Variants in TP63 observed in about 807,000 individuals in gnomAD.
TP63 encodes tumor protein 63.
In TP63, 17 loss-of-function variants were observed where a neutral mutation model predicts 82.8. The ratio of observed to expected loss-of-function variants is 0.21; its 90% confidence interval spans 0.14 to 0.31. The LOEUF is 0.31. TP63 is among the 10% of genes least tolerant of loss of function. TP63 has a pLI of 1.00. For synonymous variants in TP63, 330 were observed against 321.7 expected (o/e 1.03, Z -0.28); for missense variants, 648 against 895.3 (o/e 0.72, Z 3.52).
intron 1 of TP63, among the ~76,000 whole-genome samples, chr3:189,644,717 A>G (rs1712246718): frequency 6.6e-6 from 1 of 152,026 alleles, no homozygotes; most frequent in South Asian, 2.1e-4. Flanking sequence ...AAGTCCATAT[A>G]TCATTCTTAT....
chr3:189,866,703 A>C lies in TP63; in HGVS notation c.788A>C (p.His263Pro), dbSNP rs1318766368. ...FNEGQIAPPS[H>P]LIRVEGNSHA... ...GCAGGACAGATTGCCCCTCCTAGTC[A>C]TTTGATTCGAGTAGAGGGGAACAGC... The change falls in exon 6 of 14, where the codon CAT becomes CCT. Residue 263 changes from histidine to proline, a missense_variant. His to Pro is a moderately conservative substitution (Grantham distance 77). Around this residue, in one of 5 missense-constraint regions of TP63, gnomAD observed 64 missense variants for 144.2 expected, o/e 0.44. Transcript: ENST00000264731. The C allele has an allele frequency of 6.2e-7, 1 of 1,613,804 alleles. No individual in the cohort carries two copies.
chr3:189,875,779 T>C (rs1719143961), intron 10 of TP63, among the ~76,000 whole-genome samples: 1 of 150,520 alleles, frequency 6.6e-6, no homozygotes, highest in Non-Finnish European at 1.5e-5. Flanking sequence ...TAGAAAGTTA[T>C]TAAAAGATTT....
chr3:189,742,233 A>T (rs950953405), intron 3 of TP63, among the ~76,000 whole-genome samples: 16 of 139,618 alleles, frequency 1.1e-4, no homozygotes, highest in Non-Finnish European at 1.5e-5. Flanking sequence ...ACAAGAGCAA[A>T]ACTCCATCCC....
intron 9 of TP63, among the ~76,000 whole-genome samples, chr3:189,870,540 G>A (rs1472894062): frequency 6.6e-6 from 1 of 151,960 alleles, no homozygotes; most frequent in Non-Finnish European, 1.5e-5. Flanking sequence ...GCCAGATGGG[G>A]GTGGGTAGTC....
intron 3 of TP63, among the ~76,000 whole-genome samples, chr3:189,775,737 G>A (rs1723744896): frequency 6.6e-6 from 1 of 152,102 alleles, no homozygotes; most frequent in African/African-American, 2.4e-5. Context: ...GAGAAACAGA[G>A]GTTACCTTTT....
intron 8 of TP63, 57 bp from the exon 9 acceptor site, chr3:189,869,266 TA>T: frequency 8.0e-7 from 1 of 1,256,676 alleles, no homozygotes; most frequent in Non-Finnish European, 1.2e-6. Context: ...GTATATTTAA[TA>T]TGCATTAGTG....
At chr3:189,660,468 C>G (rs1372619938) in intron 1 of TP63, among the ~76,000 whole-genome samples, 2 of 151,644 alleles carry the variant, frequency 1.3e-5, no homozygotes, top group African/African-American at 2.4e-5. Flanking sequence ...TTTGGTCACT[C>G]TAGCCTATAG....
chr3:189,668,652 A>G (rs1714619765), intron 1 of TP63, among the ~76,000 whole-genome samples: 1 of 152,152 alleles, frequency 6.6e-6, no homozygotes, highest in African/African-American at 2.4e-5. Context: ...ATATCAAAGG[A>G]TCTTAGCAAA....
intron 3 of TP63, among the ~76,000 whole-genome samples, chr3:189,782,941 C>G (rs368703692): frequency 6.6e-6 from 1 of 151,880 alleles, no homozygotes; most frequent in African/African-American, 2.4e-5. Flanking sequence ...GCATTGTTGG[C>G]CTAAACATAA....
At chr3:189,724,832 G>A (rs752638307) in intron 1 of TP63, among the ~76,000 whole-genome samples, 2 of 152,174 alleles carry the variant, frequency 1.3e-5, no homozygotes, top group Non-Finnish European at 2.9e-5. Context: ...CGGGAACGGG[G>A]CAATCAGCTC....
intron 1 of TP63, 84 bp downstream of exon 1, chr3:189,631,661 A>G (rs113965351): frequency 5.0e-6 from 8 of 1,607,168 alleles, no homozygotes; most frequent in Non-Finnish European, 6.8e-6. Flanking sequence ...TGTACAAAGA[A>G]CAATTCCTCC....
chr3:189,654,244 TAA>T (rs918058497), intron 1 of TP63, among the ~76,000 whole-genome samples: 2 of 136,150 alleles, frequency 1.5e-5, no homozygotes, highest in Admixed American at 7.4e-5. Flanking sequence ...AAGCCTTTTG[TAA>T]AAAAAAAAAA....
At position 189,880,773 on chromosome 3, in the gene TP63, G is replaced by A. The variant is rs927192012; in HGVS notation, c.1350-5621G>A. The A allele has an allele frequency of 2.7e-5, 27 of 985,438 alleles. No individual in the cohort carries two copies. In the Admixed American group the frequency reaches 3.7e-4, roughly 13 times the overall value. 61.0% of individuals were successfully genotyped at this position (985,438 alleles called of 1,614,324 possible). On this transcript the variant is annotated intron_variant, in intron 10 of 13. Transcript: ENST00000264731. The stretch of plus-strand genomic sequence containing the variant: ...ATCATTACCAAAAGTAATCAACTTT[G>A]TGGGTGGAGAGTTCTTTGTGAGAAC...
chr3:189,831,993 G>A (rs1007347021), intron 4 of TP63, among the ~76,000 whole-genome samples: 17 of 151,562 alleles, frequency 1.1e-4, no homozygotes, highest in Non-Finnish European at 1.8e-4. Flanking sequence ...CACCACTCCC[G>A]CCTAATTTTT....
At chr3:189,686,553 A>G (rs1434188771) in intron 1 of TP63, among the ~76,000 whole-genome samples, 1 of 152,060 alleles carries the variant, frequency 6.6e-6, no homozygotes, top group African/African-American at 2.4e-5. Flanking sequence ...ACTACTGGAA[A>G]GAGACAGGAA....
At chr3:189,722,975 T>C (rs1719506032) in intron 1 of TP63, among the ~76,000 whole-genome samples, 1 of 152,196 alleles carries the variant, frequency 6.6e-6, no homozygotes, top group Non-Finnish European at 1.5e-5. Context: ...TGTTTTCAAG[T>C]GCAGTTTGTT....
intron 1 of TP63, among the ~76,000 whole-genome samples, chr3:189,709,866 C>A (rs1430867983): frequency 1.3e-5 from 2 of 152,126 alleles, no homozygotes; most frequent in African/African-American, 4.8e-5. Context: ...TACAACTTAA[C>A]CTTTGCTCAC....
chr3:189,605,087 C>G, the TP63 span, among the ~76,000 whole-genome samples: 1 of 152,132 alleles, frequency 6.6e-6, no homozygotes, highest in African/African-American at 2.4e-5. Context: ...AGTGGTATCT[C>G]TTCTCGCTGA....
intron 10 of TP63, among the ~76,000 whole-genome samples, chr3:189,885,443 T>C (rs1001724627): frequency 2.0e-5 from 3 of 152,222 alleles, no homozygotes; most frequent in African/African-American, 7.2e-5. Context: ...ATAGTTTTCT[T>C]GTGAGAAAAC....
Sources: allele counts gnomAD v4.1 joint callset (sites outside exome capture counted in the v4.1 genomes callset), GRCh38; gene constraint gnomAD v4.1.1; regional missense constraint gnomAD v4.1.1; transcripts MANE v1.5; gene names NCBI Gene and HGNC (gene_info 2026-07-23, HGNC 2026-07-21).